The following CCDC170 variants were observed in gnomAD, a reference collection of about 807,000 sequenced individuals.
CCDC170 encodes the protein coiled-coil domain containing 170.
A neutral mutation model predicts 72.6 loss-of-function variants in CCDC170; 69 were observed. The ratio of observed to expected loss-of-function variants is 0.95; its 90% CI spans 0.78 to 1.16. The LOEUF (loss-of-function observed/expected upper bound fraction) is 1.16, where lower values mean the gene tolerates loss of function less well. CCDC170 is among the 50% of genes most tolerant of loss of function. The pLI is 0.00. For missense variants in CCDC170, 852 were observed against 832.5 expected (o/e 1.02, Z -0.29); for synonymous variants, 300 against 303.9 (o/e 0.99, Z 0.13).
In CCDC170 at chr6:151,621,090, A is replaced by T. The variant is rs1010928133; in HGVS notation, c.*2943A>T. 1 of 152,246 alleles carries T rather than the reference A, an allele frequency of 6.6e-6. No individual in the cohort carries two copies. Among genetic ancestry groups the T allele is most frequent in the African/African-American group, 2.4e-5 (1 of 41,462 alleles). 9.4% of individuals were successfully genotyped at this position (152,246 alleles called of 1,614,324 possible). On this transcript the variant is annotated 3_prime_UTR_variant, in exon 11 of 11. Coordinates refer to ENST00000239374, the MANE Select transcript of CCDC170 (RefSeq NM_025059.4). ...GAAAAGGGTATATGAAATGGGAACA[A>T]TAAATTCTGTACATGTATACAGTCC...
chr6:151,532,748 G>A (rs1432454983), intron 1 of CCDC170, among the ~76,000 whole-genome samples: 2 of 152,122 alleles, frequency 1.3e-5, no homozygotes, highest in African/African-American at 4.8e-5. Context: ...TAACAATATC[G>A]ACAAAATTTT....
intron 1 of CCDC170, among the ~76,000 whole-genome samples, chr6:151,510,353 G>C (rs975951931): frequency 6.6e-6 from 1 of 152,106 alleles, no homozygotes; most frequent in Non-Finnish European, 1.5e-5. Flanking sequence ...TCACACTTAT[G>C]CTAATTCTAG....
chr6:151,515,332 A>G (rs78181855), intron 1 of CCDC170, among the ~76,000 whole-genome samples: 11,392 of 152,250 alleles, frequency 0.075, 679 homozygotes, highest in East Asian at 0.21. Flanking sequence ...ACCCAGACTG[A>G]AGTGCAATGG....
intron 6 of CCDC170, among the ~76,000 whole-genome samples, chr6:151,584,232 G>T (rs1210197817): frequency 6.6e-6 from 1 of 152,152 alleles, no homozygotes; most frequent in African/African-American, 2.4e-5. Flanking sequence ...GGCCATCTTC[G>T]GTGACTGGGA....
At chr6:151,495,973 A>T (rs1486258242) in intron 1 of CCDC170, among the ~76,000 whole-genome samples, 1 of 151,898 alleles carries the variant, frequency 6.6e-6, no homozygotes, top group Non-Finnish European at 1.5e-5. Context: ...TTTATTGCCA[A>T]TTTTTTTTCC....
intron 5 of CCDC170, among the ~76,000 whole-genome samples, chr6:151,561,502 GC>G (rs1776029837): frequency 6.6e-6 from 1 of 151,966 alleles, no homozygotes; most frequent in Admixed American, 6.6e-5. Flanking sequence ...TTTTTGGCTG[GC>G]AATTTTTTTC....
At chr6:151,517,795 G>A (rs1782258555) in intron 1 of CCDC170, among the ~76,000 whole-genome samples, 1 of 151,974 alleles carries the variant, frequency 6.6e-6, no homozygotes, top group African/African-American at 2.4e-5. Context: ...CTGTCGACTT[G>A]GAAGGGCCAA....
At chr6:151,584,786 T>C (rs1327961651) in intron 6 of CCDC170, among the ~76,000 whole-genome samples, 2 of 152,208 alleles carry the variant, frequency 1.3e-5, no homozygotes, top group Non-Finnish European at 2.9e-5. Flanking sequence ...TGTTCTCCCA[T>C]ATAATAGCCT....
intron 4 of CCDC170, among the ~76,000 whole-genome samples, chr6:151,545,474 G>A (rs1211047612): frequency 2.0e-5 from 3 of 152,008 alleles, no homozygotes; most frequent in African/African-American, 7.3e-5. Context: ...TTACCATTAA[G>A]TCAGAAATAA....
intron 7 of CCDC170, among the ~76,000 whole-genome samples, chr6:151,591,927 AAGTGGCAACTGGCTAAGTTGCC>A (rs1219011548): frequency 1.3e-5 from 2 of 152,120 alleles, no homozygotes; most frequent in African/African-American, 2.4e-5. Flanking sequence ...AAGAAGAGTA[AAGTGGCAACTGGCTAAGTTGCC>A]AGTGACAACC....
Position 151,530,503 on chromosome 6 carries a change from G to A in CCDC170, c.58-5815G>A, listed in dbSNP as rs552732917. Among the ~76,000 whole-genome samples the A allele has an allele frequency of 1.6e-3, 249 of 151,398 alleles. 2 individuals are homozygous for A. Among genetic ancestry groups the A allele is most frequent in the African/African-American group, 5.6e-3 (233 of 41,344 alleles). On this transcript the variant is annotated intron_variant, in intron 1 of 10. Transcript: ENST00000239374. ...GTCAGCCAGGCTGGAGTGCAGTGGCGTGATCTTGGCTCACTGCAACCTCTG... is the reference window on the plus strand; with the variant it reads ...GTCAGCCAGGCTGGAGTGCAGTGGCATGATCTTGGCTCACTGCAACCTCTG...
At position 151,573,214 on chromosome 6, in the gene CCDC170, G is replaced by A. The variant is rs1776249093; in HGVS notation, c.815G>A (p.Arg272Lys). The change falls in exon 6 of 11, where the codon AGG (arginine) becomes AAG (lysine). Residue 272 changes from arginine (R) to lysine (K), a missense_variant. Coordinates refer to ENST00000239374, the MANE Select transcript of CCDC170 (RefSeq NM_025059.4). ...GTAGAAGCAAAAGAAGCTCTTGAAAGGGAAGTTAAGATCTTCCAAGAAAGG... is the reference window on the plus strand; with the variant it reads ...GTAGAAGCAAAAGAAGCTCTTGAAAAGGAAGTTAAGATCTTCCAAGAAAGG... ...SAVEAKEALE[R>K]EVKIFQERLL... The A allele has an allele frequency of 6.2e-7, 1 of 1,613,902 alleles. No homozygotes were observed. Among genetic ancestry groups the A allele is most frequent in the South Asian group, 1.1e-5 (1 of 91,064 alleles).
chr6:151,545,357 G>A (rs940189621), intron 4 of CCDC170, among the ~76,000 whole-genome samples: 1 of 152,048 alleles, frequency 6.6e-6, no homozygotes. Context: ...GGCGGAGGTT[G>A]CAGTGAGATC....
intron 6 of CCDC170, among the ~76,000 whole-genome samples, chr6:151,579,164 T>C (rs767829839): frequency 6.6e-6 from 1 of 152,046 alleles, no homozygotes; most frequent in African/African-American, 2.4e-5. Context: ...ATATCAGGTA[T>C]ATGTTAAGAA....
intron 9 of CCDC170, among the ~76,000 whole-genome samples, chr6:151,614,558 A>G (rs542949831): frequency 4.6e-4 from 70 of 151,794 alleles, no homozygotes; most frequent in African/African-American, 1.1e-3. Flanking sequence ...GGGTTCAAGC[A>G]ATTCTCCTGC....
At chr6:151,515,305 C>T (rs560154231) in intron 1 of CCDC170, among the ~76,000 whole-genome samples, 19 of 152,308 alleles carry the variant, frequency 1.2e-4, no homozygotes, top group African/African-American at 2.4e-4. Context: ...TTTATTGAGA[C>T]GGAGTCTCAC....
intron 1 of CCDC170, among the ~76,000 whole-genome samples, chr6:151,497,231 AAC>A (rs1412854658): frequency 6.6e-6 from 1 of 152,170 alleles, no homozygotes; most frequent in African/African-American, 2.4e-5. Context: ...CTCTACAAAA[AAC>A]ACAAAAAGTA....
chr6:151,615,367 C>A, intron 9 of CCDC170, 76 bp from the exon 10 acceptor site: 1 of 1,021,270 alleles, frequency 9.8e-7, no homozygotes. Context: ...ATTCCATTGA[C>A]TTCTGATTTG....
At chr6:151,521,848 TGGTGGCAGG>T (rs1782321205) in intron 1 of CCDC170, among the ~76,000 whole-genome samples, 1 of 152,002 alleles carries the variant, frequency 6.6e-6, no homozygotes, top group Non-Finnish European at 1.5e-5. Flanking sequence ...TAGCTGGGCG[TGGTGGCAGG>T]CCCCTGTAGT....
Sources: gnomAD v4.1 joint callset for allele counts (sites outside exome capture counted in the v4.1 genomes callset) on GRCh38, gnomAD v4.1.1 for gene constraint, MANE v1.5 for transcripts, NCBI Gene and HGNC (gene_info 2026-07-23, HGNC 2026-07-21) for gene names.